The following CEP131 variants were observed in gnomAD, a reference collection of about 807,000 sequenced individuals.
CEP131 encodes the protein centrosomal protein of 131 kDa.
CEP131 carries 99 observed loss-of-function variants against 136.8 expected under a neutral mutation model. The ratio of observed to expected loss-of-function variants is 0.72; its 90% CI spans 0.62 to 0.86. The LOEUF is 0.86. Among genes scored for constraint, CEP131 ranks in the 40% least tolerant of loss-of-function variants. The pLI, the probability that CEP131 is intolerant of heterozygous loss-of-function variation, is 0.00. For missense variants in CEP131, 1,459 were observed against 1,463.0 expected (o/e 1.00, Z 0.04); for synonymous variants, 646 against 612.7 (o/e 1.05, Z -0.80).
intron 13 of CEP131, 132 bp downstream of exon 13, chr17:81,197,580 G>T (rs932279045): frequency 1.1e-5 from 15 of 1,328,036 alleles, no homozygotes; most frequent in African/African-American, 1.6e-5. Flanking sequence ...CCGGGTGGGG[G>T]CTGGCGAGAG....
chr17:81,190,683 C>T lies in CEP131; in HGVS notation c.3063G>A (p.Thr1021=), dbSNP rs770984487. Residue 1021 remains threonine, a synonymous_variant, in exon 24 of 26, where the codon ACG becomes ACA. Coordinates refer to ENST00000450824, the MANE Select transcript of CEP131 (RefSeq NM_014984.4). ...GCTCCAGCTGCTGGCGGGCCTGCAG[C>T]GTGGCCAGCTCGGCCTTGGCCTGCC... is the stretch of plus-strand genomic sequence containing the variant. The part of the protein sequence containing the change: ...ETRQAKAELA[T]LQARQQLELE... 1.5e-5 allele frequency: 24 copies of T among 1,603,386 alleles called. No homozygotes were observed. Among genetic ancestry groups the T allele is most frequent in the Middle Eastern group, 1.9e-4 (1 of 5,378 alleles).
chr17:81,202,607 AGGT>A (rs2061918515), intron 6 of CEP131, among the ~76,000 whole-genome samples: 1 of 152,154 alleles, frequency 6.6e-6, no homozygotes, highest in East Asian at 1.9e-4. Flanking sequence ...TGCCCTGACA[AGGT>A]CCCACTCACT....
rs933658256 is a variant in CEP131 at position 81,207,168 on chromosome 17, A to C, written c.344T>G (p.Leu115Arg). 7.4e-6 allele frequency: 12 copies of C among 1,613,452 alleles called. No homozygotes were observed. Among genetic ancestry groups the C allele is most frequent in the African/African-American group, 1.3e-5 (1 of 74,906 alleles). The change falls in exon 4 of 26, where the codon CTG becomes CGG. Residue 115 changes from leucine (L) to arginine (R), a missense_variant. This residue lies in a region of CEP131 where 187 missense variants were observed against 179.9 expected (regional missense o/e 1.04). Transcript: ENST00000450824. ...SPSGKKRPASLSTAPSEKGAT... is the reference protein window; with the variant it reads ...SPSGKKRPASRSTAPSEKGAT... Reference sequence around the variant, plus strand: ...TCCCTTCTCGCTGGGGGCTGTGCTCAGGCTGGCAGGCCTCTTTTTCCCACT... The same window carrying C: ...TCCCTTCTCGCTGGGGGCTGTGCTCCGGCTGGCAGGCCTCTTTTTCCCACT...
rs2061908766 is a variant in CEP131, at chr17:81,202,266, C to T, written c.762G>A (p.Lys254=). The change falls in exon 7 of 26, where the codon AAG becomes AAA. Residue 254 remains lysine (K), a synonymous_variant. Coordinates refer to ENST00000450824, the MANE Select transcript of CEP131 (RefSeq NM_014984.4). ...TCTCAGCCTCCTCCTCCGTCACCTC[C>T]TTCCGCCTGGGCAAGCCCGTGCTGC... ...TGGSTGLPRR[K]EVTEEEAERF... 6.2e-7 allele frequency: 1 copy of T among 1,611,440 alleles called. No homozygotes were observed. The highest frequency in any genetic ancestry group is 8.5e-7 in the Non-Finnish European group (1 of 1,178,942).
chr17:81,197,196 G>A, intron 13 of CEP131, 141 bp from the exon 14 acceptor site: 1 of 1,262,928 alleles, frequency 7.9e-7, no homozygotes, highest in Non-Finnish European at 1.1e-6. Flanking sequence ...CGGAGGGCAG[G>A]TGGCAGGCGG....
In CEP131 at chr17:81,189,779, C is replaced by T; in HGVS notation, c.3233G>A (p.Ser1078Asn). ...LLEQHRRPTP[S>N]TK ...TCCCGGCATCCCTGGTCACTTGGTACTTGGCGTGGGCCTCCTGTGCTGCTC... is the reference window on the plus strand; with the variant it reads ...TCCCGGCATCCCTGGTCACTTGGTATTTGGCGTGGGCCTCCTGTGCTGCTC... Residue 1078 changes from serine to asparagine, a missense_variant, in exon 26 of 26, where the codon AGT (serine) becomes AAT (asparagine). Ser to Asn is a conservative substitution (Grantham distance 46). Around this residue, in one of 3 missense-constraint regions of CEP131, gnomAD observed 1,026 missense variants for 964.2 expected, o/e 1.06. Transcript: ENST00000450824. The T allele has an allele frequency of 4.4e-6, 7 of 1,605,128 alleles. No individual in the cohort carries two copies. The highest frequency in any genetic ancestry group is 6.0e-6 in the Non-Finnish European group (7 of 1,175,354).
rs72858452 is a variant in CEP131, at chr17:81,203,483, G to A, written c.629+11C>T. The A allele has an allele frequency of 6.8e-3, 10,728 of 1,587,250 alleles. 64 individuals carry two copies. Among genetic ancestry groups the A allele is most frequent in the Middle Eastern group, 8.9e-3 (54 of 6,034 alleles). The stretch of plus-strand genomic sequence containing the variant: ...ACCCCGCAGCCCCGCGGCCTCCCCA[G>A]AAGACCTTACTTGAGGGAGGGGGCA... On this transcript the variant is annotated intron_variant, in intron 6 of 25. Coordinates refer to ENST00000450824, the MANE Select transcript of CEP131 (RefSeq NM_014984.4). This position sits in a 1 kb window ranked among gnomAD's most constrained non-coding sequence, Gnocchi z 4.6.
chr17:81,207,274 G>A (rs1420111706), intron 3 of CEP131, 35 bp from the exon 4 acceptor site: 6 of 1,600,180 alleles, frequency 3.7e-6, no homozygotes, highest in Non-Finnish European at 5.1e-6. Context: ...CAAGGAAAGA[G>A]TCACCAGCCG....
chr17:81,206,981 G>A, intron 4 of CEP131, 110 bp from the exon 5 acceptor site: 1 of 1,532,648 alleles, frequency 6.5e-7, no homozygotes, highest in African/African-American at 1.4e-5. Flanking sequence ...ACAGACAGGT[G>A]GATGTCCTGG....
At chr17:81,195,791 T>C (rs1345062769) in intron 16 of CEP131, 44 bp downstream of exon 16, 1 of 1,544,234 alleles carries the variant, frequency 6.5e-7, no homozygotes, top group South Asian at 1.1e-5. Flanking sequence ...GCCTGGCCTG[T>C]GAGCCGGGCT....
At chr17:81,217,340 G>A (rs1435880284) in intron 2 of CEP131, among the ~76,000 whole-genome samples, 4 of 152,060 alleles carry the variant, frequency 2.6e-5, no homozygotes, top group Non-Finnish European at 4.4e-5. Flanking sequence ...ACAAGGGGTA[G>A]AGTGGAAACC....
rs1392985579 is a variant in CEP131, at chr17:81,219,550, G to A, written c.177+330C>T. Reference sequence around the variant, plus strand: ...TGACCTCAGATGACCCGCCTGCCTCGGCCTCCCAAAGTGCTGAGATTACAG... The same window carrying A: ...TGACCTCAGATGACCCGCCTGCCTCAGCCTCCCAAAGTGCTGAGATTACAG... On this transcript the variant is annotated intron_variant, in intron 2 of 25. Transcript: ENST00000450824. The surrounding 1 kb of genome is among the most constrained non-coding windows in gnomAD (Gnocchi z 4.0). 9.2e-5 allele frequency among the ~76,000 whole-genome samples: 14 copies of A among 151,826 alleles called. No homozygotes were observed. Among genetic ancestry groups the A allele is most frequent in the East Asian group, 1.9e-4 (1 of 5,172 alleles).
At chr17:81,199,602 T>C in intron 9 of CEP131, 53 bp from the exon 10 acceptor site, 3 of 1,589,234 alleles carry the variant, frequency 1.9e-6, no homozygotes, top group South Asian at 1.1e-5. Flanking sequence ...GACCCCAGGC[T>C]CCACAGCCAA....
chr17:81,193,819 A>G, intron 18 of CEP131, 107 bp downstream of exon 18: 16 of 1,271,982 alleles, frequency 1.3e-5, no homozygotes, highest in Non-Finnish European at 1.6e-5. Flanking sequence ...TGCATGCTGC[A>G]CTAAGACCCT....
Position 81,206,715 on chromosome 17 carries a change from C to A in CEP131, c.515+29G>T, listed in dbSNP as rs754583241. ...CCACTCCAGGAGCTTCCCACTGGTGCCCGTCGTGGGCACCTGCACAGGTCG... is the reference window on the plus strand; with the variant it reads ...CCACTCCAGGAGCTTCCCACTGGTGACCGTCGTGGGCACCTGCACAGGTCG... On this transcript the variant is annotated intron_variant, in intron 5 of 25. Transcript: ENST00000450824. The A allele has an allele frequency of 2.5e-6, 4 of 1,584,552 alleles. No homozygotes were observed. The South Asian group carries it at 3.5e-5, about 14-fold the overall frequency.
chr17:81,198,795 G>A (rs922107339), intron 11 of CEP131, 82 bp downstream of exon 11: 16 of 1,384,512 alleles, frequency 1.2e-5, no homozygotes, highest in Non-Finnish European at 1.5e-5. Flanking sequence ...GCTGGGAGAA[G>A]CTCAGCTCAG....
chr17:81,199,006 G>A (rs1394086811), intron 10 of CEP131, 35 bp from the exon 11 acceptor site: 5 of 1,472,640 alleles, frequency 3.4e-6, no homozygotes, highest in Non-Finnish European at 4.5e-6. Context: ...TCCACAGGGA[G>A]CATCCCGGGG....
intron 2 of CEP131, among the ~76,000 whole-genome samples, chr17:81,213,804 A>C (rs150626662): frequency 1.4e-3 from 210 of 152,336 alleles, no homozygotes; most frequent in African/African-American, 4.8e-3. Context: ...GTGAGAGGTC[A>C]CATGGACAGT....
rs1436359527 is a variant in CEP131, at chr17:81,219,464, T to G, written c.177+416A>C. Among the ~76,000 whole-genome samples, 3 of 152,010 alleles carry G rather than the reference T, an allele frequency of 2.0e-5. No homozygotes were observed. The highest frequency in any genetic ancestry group is 4.4e-5 in the Non-Finnish European group (3 of 67,986). On this transcript the variant is annotated intron_variant, in intron 2 of 25. Coordinates refer to ENST00000450824, the MANE Select transcript of CEP131 (RefSeq NM_014984.4). This position sits in a 1 kb window ranked among gnomAD's most constrained non-coding sequence, Gnocchi z 4.0. ...ATGCACCACCATGCCCGGCTAATTT[T>G]TTTTTGTATCTTTAGTAGAGACGGA...
Sources: allele counts gnomAD v4.1 joint callset (sites outside exome capture counted in the v4.1 genomes callset), GRCh38; gene constraint gnomAD v4.1.1; regional missense constraint gnomAD v4.1.1; non-coding constraint Gnocchi (gnomAD v3.1); transcripts MANE v1.5; gene names NCBI Gene and HGNC (gene_info 2026-07-23, HGNC 2026-07-21).